The following LARGE1 variants were observed in gnomAD, a reference collection of about 807,000 sequenced individuals.
LARGE1 encodes xylosyl- and glucuronyltransferase LARGE1.
Under a neutral mutation model 87.6 loss-of-function variants are expected in LARGE1, and 43 were observed. The observed-to-expected ratio is 0.49, with a 90% CI of 0.38 to 0.63. The LOEUF (loss-of-function observed/expected upper bound fraction) is 0.63, where lower values mean the gene tolerates loss of function less well. Ranked by LOEUF, LARGE1 falls within the 30% of genes least tolerant of loss-of-function variation. LARGE1 has a pLI of 0.00. For missense variants in LARGE1, 802 were observed against 1,000.2 expected (o/e 0.80, Z 2.67); for synonymous variants, 434 against 394.6 (o/e 1.10, Z -1.18).
intron 11 of LARGE1, among the ~76,000 whole-genome samples, chr22:33,196,129 A>G (rs972342752): frequency 1.6e-4 from 19 of 117,336 alleles, no homozygotes; most frequent in African/African-American, 8.0e-4. Flanking sequence ...AAAGTAAATT[A>G]AAAAAAAAAA....
chr22:33,803,243 T>C (rs931173911), intron 1 of LARGE1, among the ~76,000 whole-genome samples: 3 of 152,148 alleles, frequency 2.0e-5, no homozygotes, highest in African/African-American at 7.2e-5. Flanking sequence ...ACAACTTCTA[T>C]ACAACTTACA....
chr22:33,706,335 G>A (rs972983351), intron 2 of LARGE1, among the ~76,000 whole-genome samples: 8 of 152,260 alleles, frequency 5.3e-5, no homozygotes, highest in Admixed American at 1.3e-4. Flanking sequence ...GAGGGACCTC[G>A]TCAGGGCCTG....
chr22:33,208,179 G>T (rs1265394498), intron 11 of LARGE1, among the ~76,000 whole-genome samples: 1 of 151,794 alleles, frequency 6.6e-6, no homozygotes, highest in South Asian at 2.1e-4. Flanking sequence ...TTAGATGCAG[G>T]TGTTCTAGAA....
chr22:33,451,651 C>G (rs988422908), intron 6 of LARGE1, among the ~76,000 whole-genome samples: 2 of 151,904 alleles, frequency 1.3e-5, no homozygotes, highest in Non-Finnish European at 2.9e-5. Context: ...CTCTGCCTCC[C>G]AGGTTCAAGC....
At chr22:33,436,201 A>G (rs2147773411) in intron 6 of LARGE1, among the ~76,000 whole-genome samples, 1 of 152,306 alleles carries the variant, frequency 6.6e-6, no homozygotes, top group South Asian at 2.1e-4. Context: ...CTTGGTATCT[A>G]ACTCTTACAG....
At chr22:33,257,196 A>T (rs1927339225) in intron 11 of LARGE1, among the ~76,000 whole-genome samples, 1 of 151,864 alleles carries the variant, frequency 6.6e-6, no homozygotes, top group African/African-American at 2.4e-5. Context: ...CAAGAGCAAA[A>T]CTCCGTCTCA....
At chr22:33,696,269 T>C (rs2082246872) in intron 2 of LARGE1, among the ~76,000 whole-genome samples, 1 of 148,088 alleles carries the variant, frequency 6.8e-6, no homozygotes, top group Non-Finnish European at 1.5e-5. Context: ...CTTTCTTTTT[T>C]TTTTTTTTTT....
At chr22:33,670,317 T>C (rs1463495202) in intron 2 of LARGE1, among the ~76,000 whole-genome samples, 9 of 151,860 alleles carry the variant, frequency 5.9e-5, no homozygotes, top group African/African-American at 4.8e-5. Flanking sequence ...AGTGCTGAAG[T>C]AGCATTTGGA....
the LARGE1 span, chr22:33,106,145 G>T: frequency 1.3e-5 from 2 of 152,248 alleles, no homozygotes; most frequent in African/African-American, 4.8e-5. Context: ...TTCCGACGTG[G>T]CCTATGGCAG....
intron 12 of LARGE1, among the ~76,000 whole-genome samples, chr22:33,296,480 T>G (rs1279713215): frequency 2.6e-5 from 4 of 152,120 alleles, no homozygotes; most frequent in Non-Finnish European, 5.9e-5. Flanking sequence ...AATGGGCCTA[T>G]CGGGCAACTG....
chr22:33,801,808 C>T (rs991841315), intron 1 of LARGE1, among the ~76,000 whole-genome samples: 3 of 152,060 alleles, frequency 2.0e-5, no homozygotes, highest in East Asian at 1.9e-4. Flanking sequence ...ACCTGATACC[C>T]CCCGCTTCCC....
chr22:33,487,024 C>T (rs1023854717), intron 6 of LARGE1, among the ~76,000 whole-genome samples: 2 of 152,186 alleles, frequency 1.3e-5, no homozygotes, highest in East Asian at 1.9e-4. Context: ...TTTTTACATT[C>T]GCTCTGGATG....
intron 1 of LARGE1, among the ~76,000 whole-genome samples, 200 bp downstream of exon 1, chr22:33,919,795 A>AG (rs1419279010): frequency 6.6e-6 from 1 of 152,154 alleles, no homozygotes; most frequent in Non-Finnish European, 1.5e-5. Flanking sequence ...GCAGGCCCTG[A>AG]GGGGGTCCTG....
intron 7 of LARGE1, among the ~76,000 whole-genome samples, chr22:33,398,722 T>C (rs562261780): frequency 6.6e-6 from 1 of 152,330 alleles, no homozygotes; most frequent in South Asian, 2.1e-4. Context: ...GAGGTCATAG[T>C]GGATTAGAGT....
At chr22:33,554,470 C>G (rs1329564806) in intron 6 of LARGE1, among the ~76,000 whole-genome samples, 4 of 152,114 alleles carry the variant, frequency 2.6e-5, no homozygotes, top group Admixed American at 1.3e-4. Context: ...TGGCCCCGAC[C>G]CTTCTTGTAA....
intron 1 of LARGE1, among the ~76,000 whole-genome samples, chr22:33,918,387 C>T (rs1054759562): frequency 2.0e-5 from 3 of 152,320 alleles, no homozygotes; most frequent in East Asian, 1.9e-4. Flanking sequence ...CTCTTGAAAA[C>T]CCACTAACCT....
chr22:33,837,302 G>A (rs116483825), intron 1 of LARGE1, among the ~76,000 whole-genome samples: 1,657 of 151,370 alleles, frequency 0.011, 29 homozygotes, highest in African/African-American at 0.035. Context: ...ATACATATGT[G>A]TACATATGGA....
chr22:33,766,471 G>C (rs940582308), intron 1 of LARGE1, among the ~76,000 whole-genome samples: 5 of 152,168 alleles, frequency 3.3e-5, no homozygotes, highest in African/African-American at 1.2e-4. Context: ...TGTGGCACAG[G>C]CTGGAGTGCA....
rs564940234 is a variant in LARGE1 at position 33,494,834 on chromosome 22, C to A, written c.788-62569G>T. Among the ~76,000 whole-genome samples the A allele has an allele frequency of 4.6e-5, 7 of 152,306 alleles. No individual in the cohort carries two copies. The South Asian group carries it at 1.5e-3, about 32-fold the overall frequency. Reference sequence around the variant, plus strand: ...ACTGCCTGCAGGTTCTGCAAAATCACAGTGAAGAAAGATAATCGGCTCTCT... The same window carrying A: ...ACTGCCTGCAGGTTCTGCAAAATCAAAGTGAAGAAAGATAATCGGCTCTCT... On this transcript the variant is annotated intron_variant, in intron 6 of 14. Coordinates refer to ENST00000397394, the MANE Select transcript of LARGE1 (RefSeq NM_133642.5).
Sources: allele counts gnomAD v4.1 joint callset (sites outside exome capture counted in the v4.1 genomes callset), GRCh38; gene constraint gnomAD v4.1.1; transcripts MANE v1.5; gene names NCBI Gene and HGNC (gene_info 2026-07-23, HGNC 2026-07-21).